SLC1A1: variants seen among roughly 807,000 people sequenced by gnomAD.
The protein encoded by SLC1A1 is solute carrier family 1 member 1.
A neutral mutation model predicts 53.3 loss-of-function variants in SLC1A1; 43 were observed. The observed-to-expected ratio is 0.81, with a 90% CI of 0.63 to 1.04. The LOEUF (loss-of-function observed/expected upper bound fraction) is 1.04, where lower values mean the gene tolerates loss of function less well. Ranked by LOEUF, SLC1A1 falls within the 50% of genes least tolerant of loss-of-function variation. The probability of loss-of-function intolerance (pLI) is 0.00; values close to 1 mark genes in which losing one functional copy is unlikely to be tolerated. For synonymous variants in SLC1A1, 307 were observed against 243.2 expected (o/e 1.26, Z -2.44); for missense variants, 748 against 664.9 (o/e 1.12, Z -1.37).
intron 1 of SLC1A1, among the ~76,000 whole-genome samples, chr9:4,544,354 A>G (rs1817277292): frequency 6.6e-6 from 1 of 152,204 alleles, no homozygotes; most frequent in Admixed American, 6.5e-5. Context: ...CATGTATAGA[A>G]TACTTTTTAC....
chr9:4,507,993 G>A (rs142552766), intron 1 of SLC1A1, among the ~76,000 whole-genome samples: 7 of 152,206 alleles, frequency 4.6e-5, no homozygotes, highest in East Asian at 3.9e-4. Context: ...TGGAGGAAAA[G>A]GTGTACCCTT....
At chr9:4,515,212 T>C (rs1010241765) in intron 1 of SLC1A1, among the ~76,000 whole-genome samples, 4 of 152,128 alleles carry the variant, frequency 2.6e-5, no homozygotes, top group Non-Finnish European at 4.4e-5. Flanking sequence ...TTCTAACCTA[T>C]CTCAGATTTC....
At position 4,533,567 on chromosome 9, in the gene SLC1A1, A is replaced by C. The variant is rs151316985; in HGVS notation, c.92-11000A>C. Among the ~76,000 whole-genome samples the C allele has an allele frequency of 4.8e-3, 729 of 152,234 alleles. 7 individuals carry two copies. Among genetic ancestry groups the C allele is most frequent in the African/African-American group, 0.017 (691 of 41,536 alleles). ...AGGAGCACCCAGATTCATAAAGCAA[A>C]TCCTTAGAGACCTAGAAAGAGACTT... On this transcript the variant is annotated intron_variant, in intron 1 of 11. Coordinates refer to ENST00000262352, the MANE Select transcript of SLC1A1 (RefSeq NM_004170.6).
chr9:4,560,454 C>T (rs9886723), intron 2 of SLC1A1, among the ~76,000 whole-genome samples: 38,931 of 151,826 alleles, frequency 0.26, 5,364 homozygotes, highest in East Asian at 0.46. Flanking sequence ...TAAAATTCTC[C>T]CAGCTGTTTA....
intron 1 of SLC1A1, among the ~76,000 whole-genome samples, chr9:4,504,158 A>G (rs1385894602): frequency 6.6e-6 from 1 of 151,856 alleles, no homozygotes; most frequent in African/African-American, 2.4e-5. Context: ...ATCTCCAGAT[A>G]ATTCTCTGGG....
intron 7 of SLC1A1, 103 bp from the exon 8 acceptor site, chr9:4,573,804 T>G (rs1048206961): frequency 1.2e-6 from 1 of 807,016 alleles, no homozygotes; most frequent in Non-Finnish European, 2.2e-6. Flanking sequence ...CAAGTGTGCA[T>G]GCCAAGCTGA....
intron 1 of SLC1A1, among the ~76,000 whole-genome samples, chr9:4,536,508 A>T: frequency 6.6e-6 from 1 of 152,224 alleles, no homozygotes; most frequent in African/African-American, 2.4e-5. Context: ...ATCTCACACC[A>T]GTTAGAATGG....
chr9:4,572,677 A>G (rs1820170691), intron 7 of SLC1A1, among the ~76,000 whole-genome samples: 1 of 152,154 alleles, frequency 6.6e-6, no homozygotes, highest in African/African-American at 2.4e-5. Flanking sequence ...CTACCTGAGT[A>G]GCTGGGACTA....
intron 1 of SLC1A1, among the ~76,000 whole-genome samples, chr9:4,532,829 C>T (rs1816525457): frequency 6.6e-6 from 1 of 152,102 alleles, no homozygotes; most frequent in South Asian, 2.1e-4. Flanking sequence ...TCGGGTTACC[C>T]ACAAAGGGAA....
At chr9:4,512,177 C>A (rs1395367587) in intron 1 of SLC1A1, among the ~76,000 whole-genome samples, 3 of 152,132 alleles carry the variant, frequency 2.0e-5, no homozygotes, top group African/African-American at 7.2e-5. Flanking sequence ...ATCTAAATCC[C>A]AGCAGGGATT....
In SLC1A1 at chr9:4,583,113, G is replaced by A. The variant is rs1227402333; in HGVS notation, c.1269G>A (p.Leu423=). The A allele has an allele frequency of 6.2e-7, 1 of 1,614,200 alleles. No individual in the cohort carries two copies. The highest frequency in any genetic ancestry group is 8.5e-7 in the Non-Finnish European group (1 of 1,180,038). The change falls in exon 11 of 12, where the codon CTG becomes CTA. Residue 423 remains leucine, a synonymous_variant. Coordinates refer to ENST00000262352, the MANE Select transcript of SLC1A1 (RefSeq NM_004170.6). The surrounding 1 kb of genome is among the most constrained non-coding windows in gnomAD (Gnocchi z 4.6). Reference sequence around the variant, plus strand: ...GCCTGGTGACCATGGTGATTGTGCTGAGTGCCGTGGGCCTGCCCGCCGAGG... The same window carrying A: ...GCCTGGTGACCATGGTGATTGTGCTAAGTGCCGTGGGCCTGCCCGCCGAGG... ...QAGLVTMVIV[L]SAVGLPAEDV...
chr9:4,563,638 G>A (rs1420191111), intron 3 of SLC1A1, among the ~76,000 whole-genome samples: 1 of 152,146 alleles, frequency 6.6e-6, no homozygotes, highest in Non-Finnish European at 1.5e-5. Context: ...ACCCTCCAAT[G>A]TCTTGGTCTC....
intron 1 of SLC1A1, among the ~76,000 whole-genome samples, chr9:4,527,380 T>A (rs1378278377): frequency 6.6e-6 from 1 of 152,202 alleles, no homozygotes; most frequent in Non-Finnish European, 1.5e-5. Flanking sequence ...TTGTGGTGAT[T>A]TGTTACACAG....
intron 1 of SLC1A1, among the ~76,000 whole-genome samples, chr9:4,535,375 C>T (rs889788361): frequency 1.3e-5 from 2 of 152,142 alleles, no homozygotes; most frequent in African/African-American, 2.4e-5. Flanking sequence ...GATACAAAAT[C>T]AATGTGCAAA....
At chr9:4,491,211 G>T (rs1214829210) in intron 1 of SLC1A1, among the ~76,000 whole-genome samples, 1 of 152,222 alleles carries the variant, frequency 6.6e-6, no homozygotes, top group East Asian at 1.9e-4. Flanking sequence ...GTTCTCAGTC[G>T]AATTGGAAGA....
intron 1 of SLC1A1, among the ~76,000 whole-genome samples, chr9:4,523,945 C>T (rs1816173788): frequency 6.6e-6 from 1 of 152,182 alleles, no homozygotes; most frequent in Non-Finnish European, 1.5e-5. Context: ...GAGCCTGCCT[C>T]CTGAAGGGTT....
intron 1 of SLC1A1, among the ~76,000 whole-genome samples, chr9:4,492,607 TG>T (rs926450409): frequency 6.6e-6 from 1 of 152,036 alleles, no homozygotes; most frequent in African/African-American, 2.4e-5. Context: ...GAGACCAGCC[TG>T]GGCAACATGG....
chr9:4,504,730 C>G (rs1554674807), intron 1 of SLC1A1, among the ~76,000 whole-genome samples: 1 of 152,132 alleles, frequency 6.6e-6, no homozygotes, highest in Non-Finnish European at 1.5e-5. Context: ...AGTGCTCTTA[C>G]TGGTTTTTAA....
At chr9:4,542,601 A>T (rs934119442) in intron 1 of SLC1A1, among the ~76,000 whole-genome samples, 1 of 152,192 alleles carries the variant, frequency 6.6e-6, no homozygotes, top group Non-Finnish European at 1.5e-5. Flanking sequence ...ATACAAGCCA[A>T]AAATTTACTT....
Sources: gnomAD v4.1 joint callset for allele counts (sites outside exome capture counted in the v4.1 genomes callset) on GRCh38, gnomAD v4.1.1 for gene constraint, Gnocchi (gnomAD v3.1) non-coding constraint, MANE v1.5 for transcripts, NCBI Gene and HGNC (gene_info 2026-07-23, HGNC 2026-07-21) for gene names.